Variants in MYH14 observed in about 807,000 individuals in gnomAD.
MYH14 encodes myosin heavy chain 14.
In MYH14, 123 loss-of-function variants were observed where a neutral mutation model predicts 255.5. That is an observed-to-expected ratio of 0.48 (90% CI 0.42 to 0.56). The LOEUF (loss-of-function observed/expected upper bound fraction) is 0.56, where lower values mean the gene tolerates loss of function less well. Among genes scored for constraint, MYH14 ranks in the 20% least tolerant of loss-of-function variants. The pLI is 0.00. For missense variants in MYH14, 2,423 were observed against 2,802.3 expected, an observed-to-expected ratio of 0.86 and a Z score of 3.06; for synonymous variants, 1,095 against 1,161.2, an observed-to-expected ratio of 0.94 and a Z score of 1.16.
At chr19:50,237,192 GCAAA>G (rs919062487) in intron 10 of MYH14, among the ~76,000 whole-genome samples, 15 of 152,118 alleles carry the variant, frequency 9.9e-5, no homozygotes, top group Admixed American at 2.0e-4. Flanking sequence ...AAACATGTAT[GCAAA>G]CAGAGTGCAG....
In MYH14 at chr19:50,280,617, A is replaced by G. The variant is rs1333718979; in HGVS notation, c.4290+234A>G. Among the ~76,000 whole-genome samples the G allele has an allele frequency of 6.6e-6, 1 of 151,812 alleles. No individual in the cohort carries two copies. The highest frequency in any genetic ancestry group is 1.5e-5 in the Non-Finnish European group (1 of 67,968). ...CCAGCTCCAGCTCAGCCCCAGCTCC[A>G]GTGCCGTCCTCTCCCATCTAGATCC... On this transcript the variant is annotated intron_variant, in intron 32 of 42. Coordinates refer to ENST00000642316, the MANE Select transcript of MYH14 (RefSeq NM_001145809.2). The surrounding 1 kb of genome is among the most constrained non-coding windows in gnomAD (Gnocchi z 4.8).
intron 11 of MYH14, among the ~76,000 whole-genome samples, chr19:50,244,633 G>A (rs1270460517): frequency 2.0e-5 from 3 of 151,942 alleles, no homozygotes; most frequent in African/African-American, 4.8e-5. Flanking sequence ...ACAGGCGCCC[G>A]CCACCACGCC....
intron 18 of MYH14, chr19:50,258,346 T>C (rs2034671039): frequency 6.6e-6 from 1 of 152,214 alleles, no homozygotes; most frequent in South Asian, 2.1e-4. Flanking sequence ...CTTTTTCCTT[T>C]CTTGGTGGCA....
intron 40 of MYH14, among the ~76,000 whole-genome samples, chr19:50,303,062 T>A (rs956269271): frequency 7.2e-5 from 11 of 152,214 alleles, no homozygotes; most frequent in Non-Finnish European, 1.6e-4. Flanking sequence ...AACGTGCCAG[T>A]TAGTTATAGC....
At chr19:50,273,318 A>G (rs925168368) in intron 27 of MYH14, among the ~76,000 whole-genome samples, 5 of 139,244 alleles carry the variant, frequency 3.6e-5, no homozygotes, top group Admixed American at 1.4e-4. Context: ...AAAAAAAAAG[A>G]GCTATTTCTT....
At chr19:50,253,314 A>C (rs993366422) in intron 16 of MYH14, among the ~76,000 whole-genome samples, 5 of 151,976 alleles carry the variant, frequency 3.3e-5, no homozygotes, top group Non-Finnish European at 7.4e-5. Flanking sequence ...GTCCTGGTGC[A>C]TGCCTGTAGT....
At position 50,293,706 on chromosome 19, in the gene MYH14, C is replaced by A; in HGVS notation, c.5469+19C>A. 1 of 1,538,588 alleles carries A rather than the reference C, an allele frequency of 6.5e-7. No homozygotes were observed. Among genetic ancestry groups the A allele is most frequent in the South Asian group, 1.3e-5 (1 of 78,640 alleles). The stretch of plus-strand genomic sequence containing the variant: ...CCTGCAGGTGAGCGTGATTGACCGC[C>A]CCCACCAGCCTCAGTCCCCATTGAC... On this transcript the variant is annotated intron_variant, in intron 39 of 42. Coordinates refer to ENST00000642316, the MANE Select transcript of MYH14 (RefSeq NM_001145809.2). This position sits in a 1 kb window ranked among gnomAD's most constrained non-coding sequence, Gnocchi z 4.1.
chr19:50,284,432 T>C (rs527829764), intron 33 of MYH14, among the ~76,000 whole-genome samples: 1 of 152,300 alleles, frequency 6.6e-6, no homozygotes, highest in South Asian at 2.1e-4. Context: ...AGTGGCATGA[T>C]CTTGGCTTAC....
chr19:50,301,557 T>C, intron 39 of MYH14, 104 bp from the exon 40 acceptor site: 1 of 763,722 alleles, frequency 1.3e-6, no homozygotes, highest in Admixed American at 2.1e-5. Flanking sequence ...GTGCTATGCG[T>C]GTGACAATCA....
chr19:50,226,845 A>G, intron 7 of MYH14, 58 bp from the exon 8 acceptor site: 1 of 1,552,890 alleles, frequency 6.4e-7, no homozygotes, highest in Non-Finnish European at 8.9e-7. Flanking sequence ...GCTGTTGTTC[A>G]CGTGTGAGTG....
At chr19:50,227,130 G>A (rs1288788513) in intron 8 of MYH14, among the ~76,000 whole-genome samples, 164 bp downstream of exon 8, 1 of 152,036 alleles carries the variant, frequency 6.6e-6, no homozygotes, top group Non-Finnish European at 1.5e-5. Flanking sequence ...GGGACTTCTG[G>A]TGTGTATGAG....
chr19:50,245,701 A>G (rs2034085428), intron 11 of MYH14, among the ~76,000 whole-genome samples: 1 of 152,194 alleles, frequency 6.6e-6, no homozygotes. Context: ...CACAGAAAAT[A>G]GGAGGACAGG....
At chr19:50,249,204 C>T in intron 13 of MYH14, 65 bp downstream of exon 13, 3 of 1,481,842 alleles carry the variant, frequency 2.0e-6, no homozygotes, top group Non-Finnish European at 2.7e-6. Flanking sequence ...TTTCTGAAGC[C>T]CTGGGTCTCT....
intron 37 of MYH14, among the ~76,000 whole-genome samples, chr19:50,292,914 G>A (rs2036134531): frequency 6.6e-6 from 1 of 151,974 alleles, no homozygotes; most frequent in Non-Finnish European, 1.5e-5. Context: ...GGCCGGAGGA[G>A]GGGAGGAGAG....
At chr19:50,207,089 A>C (rs2031805302) in intron 1 of MYH14, among the ~76,000 whole-genome samples, 1 of 135,308 alleles carries the variant, frequency 7.4e-6, no homozygotes, top group South Asian at 2.4e-4. Context: ...GCTGGGCCTG[A>C]TGGTGCGCAC....
At chr19:50,246,260 C>G (rs987165155) in intron 11 of MYH14, among the ~76,000 whole-genome samples, 1 of 151,954 alleles carries the variant, frequency 6.6e-6, no homozygotes, top group East Asian at 1.9e-4. Flanking sequence ...CCTGCCTCAG[C>G]CTCCCAAGTA....
chr19:50,267,041 TC>T, intron 23 of MYH14, 33 bp downstream of exon 23: 1 of 1,504,172 alleles, frequency 6.6e-7, no homozygotes, highest in Non-Finnish European at 8.9e-7. Flanking sequence ...TGGGGGCGTG[TC>T]TTCGGGGTGG....
chr19:50,263,562 CT>C, intron 22 of MYH14, 142 bp downstream of exon 22: 1 of 498,444 alleles, frequency 2.0e-6, no homozygotes, highest in South Asian at 4.8e-5. Flanking sequence ...GCTTTGCTAG[CT>C]GGGATTCTTT....
At chr19:50,231,722 A>T (rs1161029705) in intron 9 of MYH14, among the ~76,000 whole-genome samples, 9 of 13,430 alleles carry the variant, frequency 6.7e-4, no homozygotes, top group Admixed American at 1.1e-3. Flanking sequence ...CTAAAAAATT[A>T]AAAAAAAAAA....
Sources: allele counts gnomAD v4.1 joint callset (sites outside exome capture counted in the v4.1 genomes callset), GRCh38; gene constraint gnomAD v4.1.1; non-coding constraint Gnocchi (gnomAD v3.1); transcripts MANE v1.5; gene names NCBI Gene and HGNC (gene_info 2026-07-23, HGNC 2026-07-21).